AMER2: variants seen among roughly 807,000 people sequenced by gnomAD.
The protein encoded by AMER2 is family with sequence similarity 123A.
Under a neutral mutation model 4.7 loss-of-function variants are expected in AMER2, and 1 was observed. That is an observed-to-expected ratio of 0.21 (90% CI 0.07 to 1.00). The LOEUF is 1.00. Ranked by LOEUF, AMER2 falls within the 50% of genes least tolerant of loss-of-function variation. The pLI is 0.60. For synonymous variants in AMER2, 485 were observed against 433.3 expected (o/e 1.12, Z -1.48); for missense variants, 988 against 966.9 (o/e 1.02, Z -0.29).
In AMER2 at chr13:25,170,546, C is replaced by A; in HGVS notation, c.1074G>T (p.Ser358=). 3 of 1,613,822 alleles carry A rather than the reference C, an allele frequency of 1.9e-6. No homozygotes were observed. The South Asian group carries it at 3.3e-5, about 18-fold the overall frequency. ...AAAACATCAAACAAATACGATCTGC[C>A]GACGGGTCTGAGGGTGGATCGACAG... ...PASVDPPSDP[S]ADRICLMFSD... is the part of the protein sequence containing the mutation. The change falls in exon 1 of 1, where the codon TCG becomes TCT. Residue 358 remains serine (S), a synonymous_variant. Transcript: ENST00000515384. The surrounding 1 kb of genome is among the most constrained non-coding windows in gnomAD (Gnocchi z 7.3).
chr13:25,169,952 A>G lies in AMER2; in HGVS notation c.1668T>C (p.Tyr556=). 2 of 1,614,126 alleles carry G rather than the reference A, an allele frequency of 1.2e-6. No homozygotes were observed. The highest frequency in any genetic ancestry group is 1.7e-6 in the Non-Finnish European group (2 of 1,180,010). Residue 556 remains tyrosine (Y), a synonymous_variant, in exon 1 of 1, where the codon TAT becomes TAC. Transcript: ENST00000515384. The surrounding 1 kb of genome is among the most constrained non-coding windows in gnomAD (Gnocchi z 4.2). ...TTCCGTCCGGGTCAGCATAGAGATCATAGAGCGCGTCCCCGCTGTAGCTAT... is the reference window on the plus strand; with the variant it reads ...TTCCGTCCGGGTCAGCATAGAGATCGTAGAGCGCGTCCCCGCTGTAGCTAT... The part of the protein sequence containing the change: ...PRDSYSGDAL[Y]DLYADPDGSP...
At position 25,170,488 on chromosome 13, in the gene AMER2, G is replaced by A; in HGVS notation, c.1132C>T (p.Leu378Phe). 1 of 1,614,196 alleles carries A rather than the reference G, an allele frequency of 6.2e-7. No individual in the cohort carries two copies. The change falls in exon 1 of 1, where the codon CTT becomes TTT. Residue 378 changes from leucine (L) to phenylalanine (F), a missense_variant. By Grantham distance (22) the Leu-to-Phe change is conservative (BLOSUM62 0). Coordinates refer to ENST00000515384, the MANE Select transcript of AMER2 (RefSeq NM_152704.4). The surrounding 1 kb of genome is among the most constrained non-coding windows in gnomAD (Gnocchi z 7.3). ...GCAATAATATCTCCACAGCCTGTAA[G>A]AGAGTCAAAGCTTTTCAGTGAAGTC... is the stretch of plus-strand genomic sequence containing the variant. ...DVTSLKSFDS[L>F]TGCGDIIADQ...
chr13:25,162,799 T>C lies in AMER2; in HGVS notation c.*6805A>G, dbSNP rs1318145215. 1.3e-5 allele frequency: 2 copies of C among 152,200 alleles called. No individual in the cohort carries two copies. The highest frequency in any genetic ancestry group is 6.5e-5 in the Admixed American group (1 of 15,274). 9.4% of individuals were successfully genotyped at this position (152,200 alleles called of 1,614,324 possible). On this transcript the variant is annotated 3_prime_UTR_variant, in exon 1 of 1. Coordinates refer to ENST00000515384, the MANE Select transcript of AMER2 (RefSeq NM_152704.4). ...ATAGAGCAAAAGTTATTCTACTCGA[T>C]TATTGAAGCATTTCCAAAATTACCC... is the stretch of plus-strand genomic sequence containing the variant.
In AMER2 at chr13:25,170,887, C is replaced by A. The variant is rs756588393; in HGVS notation, c.733G>T (p.Ala245Ser). The change falls in exon 1 of 1, where the codon GCG becomes TCG. Residue 245 changes from alanine (A) to serine (S), a missense_variant. By Grantham distance (99) the Ala-to-Ser change is moderately conservative (BLOSUM62 1). Coordinates refer to ENST00000515384, the MANE Select transcript of AMER2 (RefSeq NM_152704.4). This position sits in a 1 kb window ranked among gnomAD's most constrained non-coding sequence, Gnocchi z 7.3. ...ECVKEETPRAAREPEEPSQDA... is the reference protein window; with the variant it reads ...ECVKEETPRASREPEEPSQDA... The stretch of plus-strand genomic sequence containing the variant: ...TGGCTGGGCTCCTCCGGCTCGCGCG[C>A]GGCTCTGGGCGTCTCCTCCTTGACG... 4 of 1,452,708 alleles carry A rather than the reference C, an allele frequency of 2.8e-6. No individual in the cohort carries two copies. In the East Asian group the frequency reaches 8.2e-5, roughly 30 times the overall value. The allele number at this position is 1,452,708 out of a possible 1,614,324, so 90.0% of individuals were successfully genotyped here. A position where few individuals can be genotyped will look rare whatever the true frequency, so the allele number is the denominator to read the frequency against.
rs1428591293 is a variant in AMER2 at position 25,172,188 on chromosome 13, G to A, written c.-569C>T. ...AGGTCCATGCTGTGTGGCTGTCATT[G>A]TGGTTATGGTTCTTGTGACAAAAGT... On this transcript the variant is annotated 5_prime_UTR_variant, in exon 1 of 1. Transcript: ENST00000515384. 2.6e-5 allele frequency: 4 copies of A among 152,486 alleles called. No homozygotes were observed. Among genetic ancestry groups the A allele is most frequent in the African/African-American group, 7.2e-5 (3 of 41,444 alleles). The allele number at this position is 152,486 out of a possible 1,614,324, so 9.4% of individuals were successfully genotyped here.
chr13:25,171,556 A>T lies in AMER2; in HGVS notation c.64T>A (p.Ser22Thr). The T allele has an allele frequency of 6.4e-7, 1 of 1,572,806 alleles. No individual in the cohort carries two copies. Among genetic ancestry groups the T allele is most frequent in the African/African-American group, 1.4e-5 (1 of 72,272 alleles). The change falls in exon 1 of 1, where the codon TCC becomes ACC. Residue 22 changes from serine (S) to threonine (T), a missense_variant. Coordinates refer to ENST00000515384, the MANE Select transcript of AMER2 (RefSeq NM_152704.4). This position sits in a 1 kb window ranked among gnomAD's most constrained non-coding sequence, Gnocchi z 5.9. ...AVSERGGAGA[S>T]VGVCRRKAEA... ...GCCTTCCTCCTGCAGACCCCCACGG[A>T]CGCGCCAGCTCCGCCGCGCTCGCTG...
Position 25,171,735 on chromosome 13 carries a change from A to T in AMER2, c.-116T>A. 1 of 1,406,580 alleles carries T rather than the reference A, an allele frequency of 7.1e-7. No individual in the cohort carries two copies. The highest frequency in any genetic ancestry group is 9.2e-7 in the Non-Finnish European group (1 of 1,090,466). The allele number at this position is 1,406,580 out of a possible 1,614,324, so 87.1% of individuals were successfully genotyped here. ...GCCGCCGCCGCTGCAAAAGAAACAC[A>T]CATAAAAGACCATCTTCCCTCCCGC... On this transcript the variant is annotated 5_prime_UTR_variant, in exon 1 of 1. The change creates a premature stop within an existing upstream ORF in the 5' untranslated region. Coordinates refer to ENST00000515384, the MANE Select transcript of AMER2 (RefSeq NM_152704.4). This position sits in a 1 kb window ranked among gnomAD's most constrained non-coding sequence, Gnocchi z 5.9.
Position 25,169,477 on chromosome 13 carries a change from G to A in AMER2, c.*127C>T. On this transcript the variant is annotated 3_prime_UTR_variant, in exon 1 of 1. Coordinates refer to ENST00000515384, the MANE Select transcript of AMER2 (RefSeq NM_152704.4). This position sits in a 1 kb window ranked among gnomAD's most constrained non-coding sequence, Gnocchi z 4.2. ...AAAGACCTCCTCGGTCCACGCTCTG[G>A]AGCAGGGCGGGGGACGGGTGGTGTC... 1 of 1,301,756 alleles carries A rather than the reference G, an allele frequency of 7.7e-7. No homozygotes were observed. Among genetic ancestry groups the A allele is most frequent in the Non-Finnish European group, 1.0e-6 (1 of 975,876 alleles). 80.6% of individuals were successfully genotyped at this position (1,301,756 alleles called of 1,614,324 possible). A position where few individuals can be genotyped will look rare whatever the true frequency, so the allele number is the denominator to read the frequency against.
rs746106406 is a variant in AMER2 at position 25,166,166 on chromosome 13, C to T, written c.*3438G>A. On this transcript the variant is annotated 3_prime_UTR_variant, in exon 1 of 1. Transcript: ENST00000515384. Reference sequence around the variant, plus strand: ...TCCTTTAAACACGGTGAGTTATTACCTTCATAGATATTAAACCCTTTGTAT... The same window carrying T: ...TCCTTTAAACACGGTGAGTTATTACTTTCATAGATATTAAACCCTTTGTAT... 3 of 152,098 alleles carry T rather than the reference C, an allele frequency of 2.0e-5. No homozygotes were observed. Among genetic ancestry groups the T allele is most frequent in the Non-Finnish European group, 4.4e-5 (3 of 68,014 alleles). The allele number at this position is 152,098 out of a possible 1,614,324, so 9.4% of individuals were successfully genotyped here. A position where few individuals can be genotyped will look rare whatever the true frequency, so the allele number is the denominator to read the frequency against.
chr13:25,169,003 G>A lies in AMER2; in HGVS notation c.*601C>T, dbSNP rs61117529. ...ACAACTGAACGTAGGGAAGTTTTCTGCCAATCAGTGGTCCCCTCTGCTCAT... is the reference window on the plus strand; with the variant it reads ...ACAACTGAACGTAGGGAAGTTTTCTACCAATCAGTGGTCCCCTCTGCTCAT... On this transcript the variant is annotated 3_prime_UTR_variant, in exon 1 of 1. Coordinates refer to ENST00000515384, the MANE Select transcript of AMER2 (RefSeq NM_152704.4). The surrounding 1 kb of genome is among the most constrained non-coding windows in gnomAD (Gnocchi z 4.2). 0.062 allele frequency: 9,444 copies of A among 152,682 alleles called. 397 individuals carry two copies. The highest frequency in any genetic ancestry group is 0.21 in the East Asian group (1,076 of 5,176). The allele number at this position is 152,682 out of a possible 1,614,324, so 9.5% of individuals were successfully genotyped here.
rs924663863 is a variant in AMER2, at chr13:25,171,991, A to C, written c.-372T>G. 3 of 249,070 alleles carry C rather than the reference A, an allele frequency of 1.2e-5. No individual in the cohort carries two copies. The highest frequency in any genetic ancestry group is 5.6e-5 in the Admixed American group (1 of 17,836). The allele number at this position is 249,070 out of a possible 1,614,324, so 15.4% of individuals were successfully genotyped here. A position where few individuals can be genotyped will look rare whatever the true frequency, so the allele number is the denominator to read the frequency against. ...GAAATGCCTCTAAAAACGACAACGC[A>C]ATTCAACCCACCACAAAATGCTTGT... On this transcript the variant is annotated 5_prime_UTR_variant, in exon 1 of 1. In the 5' UTR this introduces an upstream ATG that the reference lacks. Transcript: ENST00000515384. The surrounding 1 kb of genome is among the most constrained non-coding windows in gnomAD (Gnocchi z 5.9).
At position 25,171,567 on chromosome 13, in the gene AMER2, C is replaced by G. The variant is rs757882312; in HGVS notation, c.53G>C (p.Gly18Ala). The change falls in exon 1 of 1, where the codon GGA (glycine) becomes GCA (alanine). Residue 18 changes from glycine (G) to alanine (A), a missense_variant. Coordinates refer to ENST00000515384, the MANE Select transcript of AMER2 (RefSeq NM_152704.4). This position sits in a 1 kb window ranked among gnomAD's most constrained non-coding sequence, Gnocchi z 5.9. ...GCAGACCCCCACGGACGCGCCAGCT[C>G]CGCCGCGCTCGCTGACAGCCCCGCC... ...GGGGAVSERGGAGASVGVCRR... is the reference protein window; with the variant it reads ...GGGGAVSERGAAGASVGVCRR... The G allele has an allele frequency of 3.5e-5, 54 of 1,546,816 alleles. No individual in the cohort carries two copies. The highest frequency in any genetic ancestry group is 4.3e-5 in the Non-Finnish European group (50 of 1,158,594).
chr13:25,170,617 A>C lies in AMER2; in HGVS notation c.1003T>G (p.Ser335Ala). The C allele has an allele frequency of 6.4e-7, 1 of 1,571,124 alleles. No individual in the cohort carries two copies. The highest frequency in any genetic ancestry group is 8.6e-7 in the Non-Finnish European group (1 of 1,157,608). ...GGCGCCCGGCCGCTGCCGCCTTCGG[A>C]GTCGACAAGGGGGACCGTCTTTACG... ...VPVKTVPLVD[S>A]EGGSGRAPAA... The change falls in exon 1 of 1, where the codon TCC becomes GCC. Residue 335 changes from serine (S) to alanine (A), a missense_variant. Transcript: ENST00000515384. This position sits in a 1 kb window ranked among gnomAD's most constrained non-coding sequence, Gnocchi z 7.3.
Position 25,170,289 on chromosome 13 carries a change from G to C in AMER2, c.1331C>G (p.Ser444Cys). 6.2e-7 allele frequency: 1 copy of C among 1,613,702 alleles called. No individual in the cohort carries two copies. Among genetic ancestry groups the C allele is most frequent in the Non-Finnish European group, 8.5e-7 (1 of 1,179,908 alleles). ...TYLQEFWDML[S>C]QTEEQGPEPQ... ...CTCGGGTCCCTGCTCCTCGGTCTGGGAGAGCATGTCCCAGAACTCCTGTAG... is the reference window on the plus strand; with the variant it reads ...CTCGGGTCCCTGCTCCTCGGTCTGGCAGAGCATGTCCCAGAACTCCTGTAG... The change falls in exon 1 of 1, where the codon TCC (serine) becomes TGC (cysteine). Residue 444 changes from serine to cysteine, a missense_variant. Ser to Cys is a moderately radical substitution (Grantham distance 112). Coordinates refer to ENST00000515384, the MANE Select transcript of AMER2 (RefSeq NM_152704.4). This position sits in a 1 kb window ranked among gnomAD's most constrained non-coding sequence, Gnocchi z 7.3.
Position 25,171,455 on chromosome 13 carries a change from G to T in AMER2, c.165C>A (p.Ala55=), listed in dbSNP as rs748685292. The part of the protein sequence containing the change: ...LHCDCAAETP[A]AEPPSGKINK... ...TAATCTTCCCCGACGGCGGCTCGGC[G>T]GCCGGCGTTTCGGCGGCACAGTCAC... The change falls in exon 1 of 1, where the codon GCC becomes GCA. Residue 55 remains alanine, a synonymous_variant. Coordinates refer to ENST00000515384, the MANE Select transcript of AMER2 (RefSeq NM_152704.4). This position sits in a 1 kb window ranked among gnomAD's most constrained non-coding sequence, Gnocchi z 5.9. 41 of 1,611,420 alleles carry T rather than the reference G, an allele frequency of 2.5e-5. No homozygotes were observed. Among genetic ancestry groups the T allele is most frequent in the Non-Finnish European group, 3.5e-5 (41 of 1,179,294 alleles).
At position 25,169,754 on chromosome 13, in the gene AMER2, A is replaced by G. The variant is rs1223090751; in HGVS notation, c.1866T>C (p.His622=). Residue 622 remains histidine, a synonymous_variant, in exon 1 of 1, where the codon CAT becomes CAC. Coordinates refer to ENST00000515384, the MANE Select transcript of AMER2 (RefSeq NM_152704.4). The surrounding 1 kb of genome is among the most constrained non-coding windows in gnomAD (Gnocchi z 4.2). ...TGGAGGGTTGCTGGTGCACCACGGG[A>G]TGGCTAGATGGAAGGTTGGTCAGGT... ...IKHLTNLPSS[H]PVVHQQPSRS... The G allele has an allele frequency of 6.2e-7, 1 of 1,614,078 alleles. No individual in the cohort carries two copies. Among genetic ancestry groups the G allele is most frequent in the South Asian group, 1.1e-5 (1 of 91,078 alleles).
At position 25,167,426 on chromosome 13, in the gene AMER2, A is replaced by G. The variant is rs561493884; in HGVS notation, c.*2178T>C. ...AAATAGTACCAGCGGCATGAAATCA[A>G]ATGTAAATCCCTTGTTTAATACAGA... On this transcript the variant is annotated 3_prime_UTR_variant, in exon 1 of 1. Coordinates refer to ENST00000515384, the MANE Select transcript of AMER2 (RefSeq NM_152704.4). 1 of 152,302 alleles carries G rather than the reference A, an allele frequency of 6.6e-6. No homozygotes were observed. Among genetic ancestry groups the G allele is most frequent in the South Asian group, 2.1e-4 (1 of 4,830 alleles). The allele number at this position is 152,302 out of a possible 1,614,324, so 9.4% of individuals were successfully genotyped here. A position where few individuals can be genotyped will look rare whatever the true frequency, so the allele number is the denominator to read the frequency against.
Position 25,170,567 on chromosome 13 carries a change from G to C in AMER2, c.1053C>G (p.Val351=), listed in dbSNP as rs750360539. ...RAPAAPDPAS[V]DPPSDPSADR... ...CTGCCGACGGGTCTGAGGGTGGATC[G>C]ACAGAGGCAGGGTCTGGGGCGGCGG... Residue 351 remains valine (V), a synonymous_variant, in exon 1 of 1, where the codon GTC becomes GTG. Coordinates refer to ENST00000515384, the MANE Select transcript of AMER2 (RefSeq NM_152704.4). This position sits in a 1 kb window ranked among gnomAD's most constrained non-coding sequence, Gnocchi z 7.3. 19 of 1,610,706 alleles carry C rather than the reference G, an allele frequency of 1.2e-5. No individual in the cohort carries two copies. The highest frequency in any genetic ancestry group is 1.5e-5 in the Non-Finnish European group (18 of 1,178,336).
Position 25,170,268 on chromosome 13 carries a change from G to T in AMER2, c.1352C>A (p.Pro451His). The change falls in exon 1 of 1, where the codon CCC becomes CAC. Residue 451 changes from proline to histidine, a missense_variant. Coordinates refer to ENST00000515384, the MANE Select transcript of AMER2 (RefSeq NM_152704.4). The surrounding 1 kb of genome is among the most constrained non-coding windows in gnomAD (Gnocchi z 7.3). Reference protein sequence around the residue: ...DMLSQTEEQGPEPQEGAAKVA... With the variant: ...DMLSQTEEQGHEPQEGAAKVA... ...CTTAGCCGCGCCCTCCTGGGGCTCG[G>T]GTCCCTGCTCCTCGGTCTGGGAGAG... 1 of 1,613,248 alleles carries T rather than the reference G, an allele frequency of 6.2e-7. No homozygotes were observed. Among genetic ancestry groups the T allele is most frequent in the Non-Finnish European group, 8.5e-7 (1 of 1,179,678 alleles).
Sources: allele counts gnomAD v4.1 joint callset, GRCh38; gene constraint gnomAD v4.1.1; non-coding constraint Gnocchi (gnomAD v3.1); transcripts MANE v1.5; gene names NCBI Gene and HGNC (gene_info 2026-07-23, HGNC 2026-07-21).